Variants in TGFA observed in about 807,000 individuals in gnomAD.
The protein encoded by TGFA is transforming growth factor alpha.
In TGFA, 12 loss-of-function variants were observed where a neutral mutation model predicts 21.7. The observed-to-expected ratio is 0.55, with a 90% confidence interval of 0.35 to 0.90. TGFA has a LOEUF of 0.90. TGFA is among the 40% of genes least tolerant of loss of function. The pLI is 0.01. For synonymous variants in TGFA, 79 were observed against 88.1 expected (o/e 0.90, Z 0.58); for missense variants, 178 against 210.8 (o/e 0.84, Z 0.96).
chr2:70,530,517 T>C (rs1301919894), intron 1 of TGFA, among the ~76,000 whole-genome samples: 1 of 152,110 alleles, frequency 6.6e-6, no homozygotes, highest in Non-Finnish European at 1.5e-5. Flanking sequence ...CAAAAAATCT[T>C]GTAATGTTTT....
At chr2:70,452,236 T>C (rs985852071) in intron 5 of TGFA, among the ~76,000 whole-genome samples, 1 of 152,170 alleles carries the variant, frequency 6.6e-6, no homozygotes, top group African/African-American at 2.4e-5. Context: ...AGAAGAACTT[T>C]ACGATGGGCT....
At chr2:70,535,367 T>C (rs1466281138) in intron 1 of TGFA, among the ~76,000 whole-genome samples, 1 of 152,230 alleles carries the variant, frequency 6.6e-6, no homozygotes, top group Non-Finnish European at 1.5e-5. Context: ...GTATCTAATA[T>C]ACAGTTAAAT....
intron 1 of TGFA, among the ~76,000 whole-genome samples, chr2:70,552,017 C>G (rs1159944900): frequency 1.3e-5 from 2 of 152,132 alleles, no homozygotes; most frequent in African/African-American, 4.8e-5. Context: ...CCCAGGAATT[C>G]AATAGGAAAC....
chr2:70,502,904 C>A (rs1381343918), intron 2 of TGFA, among the ~76,000 whole-genome samples: 4 of 152,206 alleles, frequency 2.6e-5, no homozygotes, highest in Non-Finnish European at 5.9e-5. Context: ...TTCATTCTCA[C>A]GGAGACCCTG....
intron 2 of TGFA, among the ~76,000 whole-genome samples, chr2:70,504,450 A>ATATATATATGTTGTG (rs1671844618): frequency 1.4e-5 from 1 of 72,000 alleles, no homozygotes; most frequent in East Asian, 4.5e-4. Context: ...ATATATATAT[A>ATATATATATGTTGTG]TATATATATA....
At chr2:70,524,357 C>A (rs77338611) in intron 1 of TGFA, among the ~76,000 whole-genome samples, 4 of 152,222 alleles carry the variant, frequency 2.6e-5, no homozygotes, top group African/African-American at 9.6e-5. Flanking sequence ...TTGTCTCTTC[C>A]GAAGAGTTTA....
At chr2:70,463,581 G>A (rs1670465239) in intron 3 of TGFA, among the ~76,000 whole-genome samples, 1 of 152,154 alleles carries the variant, frequency 6.6e-6, no homozygotes, top group Non-Finnish European at 1.5e-5. Context: ...GGCACCTGAG[G>A]AAGAAAAACT....
chr2:70,457,794 G>A (rs1237766230), intron 3 of TGFA, among the ~76,000 whole-genome samples: 2 of 152,036 alleles, frequency 1.3e-5, no homozygotes, highest in Admixed American at 6.6e-5. Flanking sequence ...CACCCACCTC[G>A]GCCTCCCAAA....
intron 3 of TGFA, among the ~76,000 whole-genome samples, chr2:70,464,015 CA>C: frequency 6.6e-6 from 1 of 152,312 alleles, no homozygotes; most frequent in African/African-American, 2.4e-5. Flanking sequence ...GGAGGGTGGC[CA>C]GTGTGCCTCT....
At chr2:70,491,245 TA>T (rs1475568391) in intron 2 of TGFA, among the ~76,000 whole-genome samples, 1 of 152,170 alleles carries the variant, frequency 6.6e-6, no homozygotes, top group Non-Finnish European at 1.5e-5. Context: ...GCCAGGTATG[TA>T]GTATCAGGGA....
intron 5 of TGFA, chr2:70,451,711 AAAAAT>A: frequency 1.5e-6 from 1 of 687,020 alleles, no homozygotes. Context: ...TGCTAAAAGA[AAAAAT>A]AAAAATATTT....
intron 1 of TGFA, among the ~76,000 whole-genome samples, chr2:70,515,581 C>T (rs1672247543): frequency 6.6e-6 from 1 of 152,106 alleles, no homozygotes; most frequent in Admixed American, 6.5e-5. Flanking sequence ...ATGGGTGACC[C>T]CTTAAGGATA....
intron 1 of TGFA, among the ~76,000 whole-genome samples, chr2:70,528,600 A>T (rs1449400234): frequency 1.3e-5 from 2 of 152,194 alleles, no homozygotes; most frequent in African/African-American, 4.8e-5. Context: ...AGCCTTTGAA[A>T]CAACCAAGAA....
At chr2:70,550,132 G>A (rs1462315096) in intron 1 of TGFA, among the ~76,000 whole-genome samples, 1 of 152,192 alleles carries the variant, frequency 6.6e-6, no homozygotes, top group African/African-American at 2.4e-5. Context: ...CATCCTTAAT[G>A]CTACTTCATT....
rs76884933 is a variant in TGFA, at chr2:70,509,053, C to T, written c.94+5806G>A. 9.5e-3 allele frequency among the ~76,000 whole-genome samples: 1,443 copies of T among 152,282 alleles called. 89 individuals carry two copies. Among genetic ancestry groups the T allele is most frequent in the Admixed American group, 0.08 (1,230 of 15,300 alleles). On this transcript the variant is annotated intron_variant, in intron 2 of 5. Coordinates refer to ENST00000295400, the MANE Select transcript of TGFA (RefSeq NM_003236.4). ...AAGAATCCCTCATTCCCTCCTAATG[C>T]TCTTCTAAGCATTCTTTAAAGTAAA...
chr2:70,459,886 C>T (rs1232841769), intron 3 of TGFA, among the ~76,000 whole-genome samples: 1 of 152,184 alleles, frequency 6.6e-6, no homozygotes, highest in African/African-American at 2.4e-5. Context: ...GAACACTTCC[C>T]CAAGGTGGGA....
At chr2:70,528,352 G>A (rs1284810786) in intron 1 of TGFA, among the ~76,000 whole-genome samples, 1 of 152,164 alleles carries the variant, frequency 6.6e-6, no homozygotes, top group Non-Finnish European at 1.5e-5. Flanking sequence ...ACCAGCTTCG[G>A]TCAGTAGCTG....
intron 2 of TGFA, among the ~76,000 whole-genome samples, chr2:70,466,926 G>T (rs114035558): frequency 6.6e-6 from 1 of 152,088 alleles, no homozygotes; most frequent in Non-Finnish European, 1.5e-5. Context: ...GCAAACTAAC[G>T]CAGGAAGAGA....
intron 2 of TGFA, among the ~76,000 whole-genome samples, chr2:70,507,738 A>T (rs1671970796): frequency 6.6e-6 from 1 of 152,228 alleles, no homozygotes; most frequent in East Asian, 1.9e-4. Flanking sequence ...CCATATTCAC[A>T]TCCATTAGTT....
Sources: allele counts gnomAD v4.1 joint callset (sites outside exome capture counted in the v4.1 genomes callset), GRCh38; gene constraint gnomAD v4.1.1; transcripts MANE v1.5; gene names NCBI Gene and HGNC (gene_info 2026-07-23, HGNC 2026-07-21).